Variants in STK32B observed in about 807,000 individuals in gnomAD.
The protein encoded by STK32B is serine/threonine-protein kinase 32B.
Under a neutral mutation model 52.6 loss-of-function variants are expected in STK32B, and 43 were observed. That is an observed-to-expected ratio of 0.82 (90% CI 0.64 to 1.05). STK32B has a LOEUF of 1.05. Ranked by LOEUF, STK32B falls within the 50% of genes least tolerant of loss-of-function variation. The probability of loss-of-function intolerance (pLI) is 0.00; values close to 1 mark genes in which losing one functional copy is unlikely to be tolerated. For missense variants in STK32B, 621 were observed against 534.6 expected (o/e 1.16, Z -1.59); for synonymous variants, 238 against 204.3 (o/e 1.17, Z -1.41).
chr4:5,381,743 G>A (rs1735948177), intron 4 of STK32B, among the ~76,000 whole-genome samples: 1 of 152,158 alleles, frequency 6.6e-6, no homozygotes, highest in Non-Finnish European at 1.5e-5. Context: ...TGTCCTTGGG[G>A]CCCTGTAAAG....
At chr4:5,342,675 G>T (rs191249958) in intron 4 of STK32B, among the ~76,000 whole-genome samples, 15 of 152,300 alleles carry the variant, frequency 9.8e-5, no homozygotes, top group African/African-American at 3.6e-4. Context: ...ATCAACATGG[G>T]ATTTGGGCAG....
intron 3 of STK32B, among the ~76,000 whole-genome samples, chr4:5,325,904 G>A (rs1405270757): frequency 6.6e-6 from 1 of 152,204 alleles, no homozygotes; most frequent in Non-Finnish European, 1.5e-5. Flanking sequence ...ACTACAGAGA[G>A]ATAAATGAAA....
chr4:5,124,156 C>T (rs2108814130), intron 1 of STK32B, among the ~76,000 whole-genome samples: 1 of 152,258 alleles, frequency 6.6e-6, no homozygotes, highest in South Asian at 2.1e-4. Context: ...ATCACAAACC[C>T]CATCAGCTTG....
At chr4:5,390,806 C>T (rs1053536814) in intron 4 of STK32B, among the ~76,000 whole-genome samples, 6 of 152,116 alleles carry the variant, frequency 3.9e-5, no homozygotes, top group African/African-American at 1.4e-4. Flanking sequence ...ACAATTGGTT[C>T]TCCTGGAAGC....
chr4:5,218,878 C>T (rs1415415815), intron 3 of STK32B, among the ~76,000 whole-genome samples: 15 of 152,168 alleles, frequency 9.9e-5, no homozygotes, highest in Non-Finnish European at 1.6e-4. Flanking sequence ...GGACTGGGCA[C>T]CGCCTGCTCC....
chr4:5,322,834 C>T (rs753387613), intron 3 of STK32B, among the ~76,000 whole-genome samples: 1 of 152,148 alleles, frequency 6.6e-6, no homozygotes, highest in South Asian at 2.1e-4. Flanking sequence ...CTCCAGATTT[C>T]CCCCAGCAAC....
chr4:5,291,418 T>C (rs1333923914), intron 3 of STK32B, among the ~76,000 whole-genome samples: 2 of 152,162 alleles, frequency 1.3e-5, no homozygotes. Context: ...TTAATGCTAT[T>C]TTAAATAAAA....
chr4:5,483,798 C>T (rs1441729665), intron 11 of STK32B, among the ~76,000 whole-genome samples: 14 of 152,006 alleles, frequency 9.2e-5, no homozygotes, highest in African/African-American at 2.4e-4. Flanking sequence ...TCTTTGTTCT[C>T]GTTGGTTTCA....
rs760683267 is a variant in STK32B, at chr4:5,303,483, C to G, written c.261-27737C>G. Reference sequence around the variant, plus strand: ...TTTGTTGGTCATTTGTATATTGTCTCTTTATAATTGTCTATTCATGTCCTC... The same window carrying G: ...TTTGTTGGTCATTTGTATATTGTCTGTTTATAATTGTCTATTCATGTCCTC... On this transcript the variant is annotated intron_variant, in intron 3 of 11. Coordinates refer to ENST00000282908, the MANE Select transcript of STK32B (RefSeq NM_018401.3). Among the ~76,000 whole-genome samples the G allele has an allele frequency of 4.0e-4, 61 of 151,838 alleles. 1 individual carries two copies. Among genetic ancestry groups the G allele is most frequent in the South Asian group, 2.1e-4 (1 of 4,816 alleles).
chr4:5,330,948 CTG>C (rs1237848398), intron 3 of STK32B, among the ~76,000 whole-genome samples: 2 of 152,166 alleles, frequency 1.3e-5, no homozygotes, highest in African/African-American at 4.8e-5. Context: ...AGTAGTTAAA[CTG>C]TCATCTGTCT....
chr4:5,468,069 A>G lies in STK32B; in HGVS notation c.1105A>G (p.Lys369Glu). ...REEFIIFNRE[K>E]LRRQQGQGSQ... ...GGAATTCATCATATTCAACAGAGAG[A>G]AGTAAGTCCTTCATACTGTCCCCCT... The change falls in exon 11 of 12, where the codon AAG becomes GAG. Residue 369 changes from lysine (K) to glutamate (E), a missense_variant and splice_region_variant. Physicochemically the swap from Lys to Glu is moderately conservative, Grantham distance 56. Coordinates refer to ENST00000282908, the MANE Select transcript of STK32B (RefSeq NM_018401.3). 1 of 1,614,052 alleles carries G rather than the reference A, an allele frequency of 6.2e-7. No homozygotes were observed. Among genetic ancestry groups the G allele is most frequent in the Non-Finnish European group, 8.5e-7 (1 of 1,179,944 alleles).
intron 3 of STK32B, among the ~76,000 whole-genome samples, chr4:5,264,323 A>G (rs1726915461): frequency 6.6e-6 from 1 of 152,140 alleles, no homozygotes; most frequent in Admixed American, 6.6e-5. Context: ...TTTCTTAATT[A>G]TAGCCATTCT....
At chr4:5,176,985 T>C (rs73210299) in intron 3 of STK32B, among the ~76,000 whole-genome samples, 28,559 of 152,190 alleles carry the variant, frequency 0.19, 3,380 homozygotes, top group East Asian at 0.31. Context: ...AATGACATTA[T>C]AATGCCTTGT....
At chr4:5,040,592 C>T in the STK32B span, among the ~76,000 whole-genome samples, 3 of 152,018 alleles carry the variant, frequency 2.0e-5, no homozygotes, top group East Asian at 1.9e-4. Context: ...CAGGGTTTCA[C>T]CATGTTGGCC....
At chr4:5,060,796 C>T (rs796165610) in intron 1 of STK32B, among the ~76,000 whole-genome samples, 23 of 152,216 alleles carry the variant, frequency 1.5e-4, no homozygotes, top group African/African-American at 5.1e-4. Flanking sequence ...AATTCTATGT[C>T]AGCAGGTTTT....
At chr4:5,145,581 G>C (rs1716850505) in intron 2 of STK32B, among the ~76,000 whole-genome samples, 1 of 152,040 alleles carries the variant, frequency 6.6e-6, no homozygotes, top group African/African-American at 2.4e-5. Context: ...TATAAAATGG[G>C]ATCATGCAAT....
rs1466613787 is a variant in STK32B, at chr4:5,058,281, T to C, written c.52+6366T>C. On this transcript the variant is annotated intron_variant, in intron 1 of 11. Transcript: ENST00000282908. The surrounding 1 kb of genome is among the most constrained non-coding windows in gnomAD (Gnocchi z 4.8). ...CTTTTCATGCACACACACAAAATTA[T>C]ACCTCCTTGTCCCCTTGAAGTTATG... Among the ~76,000 whole-genome samples the C allele has an allele frequency of 6.6e-6, 1 of 152,228 alleles. No individual in the cohort carries two copies. The highest frequency in any genetic ancestry group is 1.9e-4 in the East Asian group (1 of 5,200).
intron 7 of STK32B, 39 bp from the exon 8 acceptor site, chr4:5,456,768 G>A: frequency 2.0e-6 from 3 of 1,500,514 alleles, no homozygotes; most frequent in East Asian, 2.4e-5. Flanking sequence ...CCTTCCAATG[G>A]CTCTCTCTCT....
At position 5,398,326 on chromosome 4, in the gene STK32B, G is replaced by A; in HGVS notation, c.472+82G>A. 6.8e-7 allele frequency: 1 copy of A among 1,466,528 alleles called. No individual in the cohort carries two copies. Among genetic ancestry groups the A allele is most frequent in the Non-Finnish European group, 9.5e-7 (1 of 1,056,172 alleles). The allele number at this position is 1,466,528 out of a possible 1,614,324, so 90.8% of individuals were successfully genotyped here. On this transcript the variant is annotated intron_variant, in intron 5 of 11. Coordinates refer to ENST00000282908, the MANE Select transcript of STK32B (RefSeq NM_018401.3). The surrounding 1 kb of genome is among the most constrained non-coding windows in gnomAD (Gnocchi z 4.9). ...GAAATAGTGCGGGGGTGGGGGTTGG[G>A]TCTTGCTGAGTTGGACATTAGCATT...
Sources: gnomAD v4.1 joint callset for allele counts (sites outside exome capture counted in the v4.1 genomes callset) on GRCh38, gnomAD v4.1.1 for gene constraint, Gnocchi (gnomAD v3.1) non-coding constraint, MANE v1.5 for transcripts, NCBI Gene and HGNC (gene_info 2026-07-23, HGNC 2026-07-21) for gene names.